Variants in TIMELESS observed in about 807,000 individuals in gnomAD.
TIMELESS encodes the protein protein timeless homolog.
In TIMELESS, 124 loss-of-function variants were observed where a neutral mutation model predicts 164.3. That is an observed-to-expected ratio of 0.75 (90% CI 0.65 to 0.88). TIMELESS has a LOEUF of 0.88. Ranked by LOEUF, TIMELESS falls within the 40% of genes least tolerant of loss-of-function variation. TIMELESS has a pLI of 0.00. For missense variants in TIMELESS, 1,422 were observed against 1,491.4 expected (o/e 0.95, Z 0.77); for synonymous variants, 564 against 563.4 (o/e 1.00, Z -0.02).
At chr12:56,433,722 C>G (rs749631405) in intron 3 of TIMELESS, 51 bp downstream of exon 3, 3 of 1,613,658 alleles carry the variant, frequency 1.9e-6, no homozygotes, top group East Asian at 4.5e-5. Context: ...CCTATCAGCT[C>G]AAACACCAAA....
In TIMELESS at chr12:56,423,718, A is replaced by C. The variant is rs755632721; in HGVS notation, c.1967-11T>G. The C allele has an allele frequency of 6.2e-7, 1 of 1,613,926 alleles. No homozygotes were observed. The highest frequency in any genetic ancestry group is 1.7e-5 in the Admixed American group (1 of 59,980). On this transcript the variant is annotated splice_polypyrimidine_tract_variant and intron_variant, in intron 16 of 28. Transcript: ENST00000553532. ...CTGGGCCCTGCTGCCCTATAGACAG[A>C]GGGAGGATTACTGAGTCTCTGTTAT...
rs745734322 is a variant in TIMELESS, at chr12:56,423,238, A to T, written c.2292+36T>A. The T allele has an allele frequency of 6.2e-6, 10 of 1,610,268 alleles. No individual in the cohort carries two copies. The Admixed American group carries it at 1.7e-4, about 27-fold the overall frequency. On this transcript the variant is annotated intron_variant, in intron 18 of 28. Coordinates refer to ENST00000553532, the MANE Select transcript of TIMELESS (RefSeq NM_003920.5). ...TATTTATTTACCTGAGGGTTCCCAT[A>T]CCCTTCCAGAACCCCATTCCTTGTT... is the stretch of plus-strand genomic sequence containing the variant.
chr12:56,425,102 G>C lies in TIMELESS; in HGVS notation c.1629C>G (p.Ala543=), dbSNP rs1349570183. 1 of 1,613,938 alleles carries C rather than the reference G, an allele frequency of 6.2e-7. No individual in the cohort carries two copies. The highest frequency in any genetic ancestry group is 8.5e-7 in the Non-Finnish European group (1 of 1,180,038). ...TAGATGGGACATTACCAGAAACAATGGCCTGGTCTAGGACCTTCTTCTTCT... is the reference window on the plus strand; with the variant it reads ...TAGATGGGACATTACCAGAAACAATCGCCTGGTCTAGGACCTTCTTCTTCT... ...RKKKKKVLDQ[A]IVSGNVPSSP... is the part of the protein sequence containing the mutation. Residue 543 remains alanine, a synonymous_variant, in exon 14 of 29, where the codon GCC becomes GCG. Coordinates refer to ENST00000553532, the MANE Select transcript of TIMELESS (RefSeq NM_003920.5).
At chr12:56,432,563 C>G (rs1364728375) in intron 6 of TIMELESS, 39 bp from the exon 7 acceptor site, 1 of 1,600,224 alleles carries the variant, frequency 6.2e-7, no homozygotes, top group Non-Finnish European at 8.5e-7. Flanking sequence ...GAAGCTCATT[C>G]AATCCCACTG....
chr12:56,431,068 T>C, intron 8 of TIMELESS, 100 bp from the exon 9 acceptor site: 1 of 842,064 alleles, frequency 1.2e-6, no homozygotes, highest in Non-Finnish European at 1.8e-6. Flanking sequence ...AACTACAAAA[T>C]GTTGGTCGGG....
chr12:56,433,476 G>T, intron 4 of TIMELESS, 33 bp from the exon 5 acceptor site: 2 of 1,614,002 alleles, frequency 1.2e-6, no homozygotes, highest in Non-Finnish European at 1.7e-6. Flanking sequence ...TTAAGTAGCA[G>T]TCATCCACTT....
chr12:56,448,648 G>C (rs1253426335), intron 1 of TIMELESS, among the ~76,000 whole-genome samples: 2 of 151,778 alleles, frequency 1.3e-5, no homozygotes, highest in Admixed American at 1.3e-4. Flanking sequence ...AGAATCGCTT[G>C]AACCCGGGAG....
intron 19 of TIMELESS, 34 bp downstream of exon 19, chr12:56,422,813 A>ACCCCC: frequency 2.2e-6 from 3 of 1,357,046 alleles, no homozygotes; most frequent in Non-Finnish European, 2.1e-6. Flanking sequence ...AACTTCCCCT[A>ACCCCC]CCCCCACCCA....
At chr12:56,421,571 G>C in intron 22 of TIMELESS, 78 bp from the exon 23 acceptor site, 2 of 1,553,944 alleles carry the variant, frequency 1.3e-6, no homozygotes, top group South Asian at 2.4e-5. Context: ...TCTCTGGAAA[G>C]AGGGTACCTC....
chr12:56,420,029 AATAT>A (rs1555176448), intron 26 of TIMELESS, among the ~76,000 whole-genome samples: 52 of 75,166 alleles, frequency 6.9e-4, no homozygotes, highest in African/African-American at 2.3e-3. Context: ...AAAAAAAAAA[AATAT>A]ATATATATAT....
At position 56,432,444 on chromosome 12, in the gene TIMELESS, A is replaced by G. The variant is rs1316812527; in HGVS notation, c.612T>C (p.Phe204=). The G allele has an allele frequency of 3.1e-6, 5 of 1,614,108 alleles. No homozygotes were observed. The Admixed American group carries it at 6.7e-5, about 22-fold the overall frequency. The change falls in exon 7 of 29, where the codon TTT becomes TTC. Residue 204 remains phenylalanine, a synonymous_variant. Coordinates refer to ENST00000553532, the MANE Select transcript of TIMELESS (RefSeq NM_003920.5). ...GCTCCTCAGCAGACGAGCTGGCCAG[A>G]AAGAGGAGCAGGTCATCCAGGCCGC... ...HLSGLDDLLL[F]LASSSAEEQW...
At chr12:56,441,735 T>C (rs1407756355) in intron 1 of TIMELESS, among the ~76,000 whole-genome samples, 4 of 151,458 alleles carry the variant, frequency 2.6e-5, no homozygotes, top group Non-Finnish European at 5.9e-5. Context: ...GGGAGAACCT[T>C]CCTGGCAAAA....
intron 13 of TIMELESS, among the ~76,000 whole-genome samples, chr12:56,425,404 A>C (rs1010891091): frequency 1.3e-5 from 2 of 152,240 alleles, no homozygotes; most frequent in African/African-American, 4.8e-5. Context: ...GTGAGTGAGC[A>C]TAAGATGTCA....
Position 56,432,788 on chromosome 12 carries a change from C to CAA in TIMELESS, c.531+236_531+237dup, listed in dbSNP as rs71081356. 3.2e-3 allele frequency among the ~76,000 whole-genome samples: 464 copies of CAA among 147,058 alleles called. 3 individuals carry two copies. Among genetic ancestry groups the CAA allele is most frequent in the African/African-American group, 0.01 (417 of 40,020 alleles). ...TGAAACCCTGTCTCTACTAAAAATA[C>CAA]AAAAAAAAAAATTAGCCAGGCATGG... On this transcript the variant is annotated intron_variant, in intron 6 of 28. Coordinates refer to ENST00000553532, the MANE Select transcript of TIMELESS (RefSeq NM_003920.5).
rs1188529133 is a variant in TIMELESS at position 56,421,036 on chromosome 12, G to T, written c.2967C>A (p.Gly989=). 1 of 1,614,130 alleles carries T rather than the reference G, an allele frequency of 6.2e-7. No individual in the cohort carries two copies. The highest frequency in any genetic ancestry group is 2.2e-5 in the East Asian group (1 of 44,882). ...TACCCTGGACTTGTTCTGCTTCTGA[G>T]CCCCCTTCTTCTTCCTCTTCGCTGT... ...EEDSEEEEEG[G]SEAEQVQGSL... Residue 989 remains glycine (G), a synonymous_variant, in exon 24 of 29, where the codon GGC becomes GGA. Transcript: ENST00000553532.
In TIMELESS at chr12:56,431,525, A is replaced by T; in HGVS notation, c.767T>A (p.Leu256Ter). 6.2e-7 allele frequency: 1 copy of T among 1,613,658 alleles called. No individual in the cohort carries two copies. The highest frequency in any genetic ancestry group is 8.5e-7 in the Non-Finnish European group (1 of 1,179,934). The part of the protein sequence containing the change: ...RSADFAELEV[L>*]RQREMAEKKT... Reference sequence around the variant, plus strand: ...CTTTTCTGCCATCTCTCGCTGGCGCAACACCTCCAGTTCTGCAAAATCTGC... The same window carrying T: ...CTTTTCTGCCATCTCTCGCTGGCGCTACACCTCCAGTTCTGCAAAATCTGC... The change falls in exon 8 of 29, where the codon TTG becomes TAG. Residue 256 changes from leucine to a stop codon, truncating the protein, a stop_gained. Coordinates refer to ENST00000553532, the MANE Select transcript of TIMELESS (RefSeq NM_003920.5). LOFTEE classifies it high-confidence loss of function.
chr12:56,420,733 C>A lies in TIMELESS; in HGVS notation c.3110-46G>T, dbSNP rs762884829. 4 of 1,613,494 alleles carry A rather than the reference C, an allele frequency of 2.5e-6. No homozygotes were observed. In the South Asian group the frequency reaches 4.4e-5, roughly 18 times the overall value. The stretch of plus-strand genomic sequence containing the variant: ...ATATGGTGAAGATATAAGGGAAGAA[C>A]TGGTTCTCCATCCCATGACCAGGTA... On this transcript the variant is annotated intron_variant, in intron 25 of 28. Transcript: ENST00000553532.
intron 1 of TIMELESS, among the ~76,000 whole-genome samples, chr12:56,444,022 C>T (rs1474227163): frequency 7.9e-5 from 12 of 151,934 alleles, no homozygotes; most frequent in Non-Finnish European, 1.3e-4. Context: ...CTCAGCTTCC[C>T]AAGTAGCTGG....
chr12:56,428,530 G>C lies in TIMELESS; in HGVS notation c.1408+19C>G, dbSNP rs773964560. On this transcript the variant is annotated intron_variant, in intron 12 of 28. Coordinates refer to ENST00000553532, the MANE Select transcript of TIMELESS (RefSeq NM_003920.5). The stretch of plus-strand genomic sequence containing the variant: ...CGAGATGGGACAGGCTGGGATCGGG[G>C]ACCAGGCCAGGGCCTCACTCTTGAT... 2 of 1,611,660 alleles carry C rather than the reference G, an allele frequency of 1.2e-6. No homozygotes were observed. The highest frequency in any genetic ancestry group is 3.3e-5 in the Admixed American group (2 of 59,998).
Sources: gnomAD v4.1 joint callset for allele counts (sites outside exome capture counted in the v4.1 genomes callset) on GRCh38, gnomAD v4.1.1 for gene constraint, MANE v1.5 for transcripts, NCBI Gene and HGNC (gene_info 2026-07-23, HGNC 2026-07-21) for gene names.